ZEB1: variants seen among roughly 807,000 people sequenced by gnomAD.
ZEB1 encodes the protein zinc finger E-box binding homeobox 1.
Under a neutral mutation model 84.9 loss-of-function variants are expected in ZEB1, and 21 were observed. The ratio of observed to expected loss-of-function variants is 0.25; its 90% CI spans 0.18 to 0.36. The LOEUF is 0.36. Among genes scored for constraint, ZEB1 ranks in the 10% least tolerant of loss-of-function variants. The pLI is 1.00. For missense variants in ZEB1, 1,104 were observed against 1,330.2 expected (o/e 0.83, Z 2.65); for synonymous variants, 420 against 471.1 (o/e 0.89, Z 1.41).
intron 1 of ZEB1, among the ~76,000 whole-genome samples, chr10:31,432,714 A>G (rs1008841499): frequency 6.6e-6 from 1 of 152,168 alleles, no homozygotes; most frequent in African/African-American, 2.4e-5. Flanking sequence ...ACGGCCCCAG[A>G]GTGCTTTTGA....
intron 1 of ZEB1, among the ~76,000 whole-genome samples, chr10:31,409,727 A>G (rs935858173): frequency 3.3e-5 from 5 of 152,164 alleles, no homozygotes; most frequent in Non-Finnish European, 5.9e-5. Context: ...GGTCCTTCAC[A>G]TCCCTTGTAA....
intron 1 of ZEB1, among the ~76,000 whole-genome samples, chr10:31,384,304 A>G (rs904627179): frequency 1.3e-5 from 2 of 152,130 alleles, no homozygotes; most frequent in South Asian, 2.1e-4. Flanking sequence ...AGAATGGGCT[A>G]TGAACTGGTG....
intron 1 of ZEB1, among the ~76,000 whole-genome samples, chr10:31,385,787 A>C: frequency 6.6e-6 from 1 of 152,030 alleles, no homozygotes; most frequent in East Asian, 1.9e-4. Flanking sequence ...CAGCCTCTCA[A>C]AGTGCTGGAA....
At chr10:31,338,518 A>G (rs905625089) in intron 1 of ZEB1, among the ~76,000 whole-genome samples, 1 of 152,190 alleles carries the variant, frequency 6.6e-6, no homozygotes, top group African/African-American at 2.4e-5. Context: ...TAAGAGGAGT[A>G]TGTCATCTAT....
intron 3 of ZEB1, among the ~76,000 whole-genome samples, chr10:31,499,204 G>A (rs1176071803): frequency 6.6e-6 from 1 of 152,118 alleles, no homozygotes; most frequent in Admixed American, 6.5e-5. Context: ...ATACCAGAAA[G>A]ACTTTACCAA....
At chr10:31,460,889 T>A (rs2061730039) in intron 1 of ZEB1, 148 bp from the exon 2 acceptor site, 1 of 702,200 alleles carries the variant, frequency 1.4e-6, no homozygotes, top group Non-Finnish European at 2.5e-6. Flanking sequence ...TACATATGTG[T>A]GTTGTCAAAT....
intron 1 of ZEB1, among the ~76,000 whole-genome samples, chr10:31,407,013 G>C (rs1311217873): frequency 1.3e-5 from 2 of 151,944 alleles, no homozygotes; most frequent in African/African-American, 2.4e-5. Context: ...TAGATGTGTG[G>C]TGTTATTTCT....
intron 1 of ZEB1, among the ~76,000 whole-genome samples, chr10:31,429,768 A>C (rs2057473681): frequency 8.0e-6 from 1 of 124,578 alleles, no homozygotes; most frequent in South Asian, 2.6e-4. Flanking sequence ...TTTGAGACGA[A>C]GTCTCACTCT....
At chr10:31,431,115 A>G (rs936255119) in intron 1 of ZEB1, among the ~76,000 whole-genome samples, 14 of 152,190 alleles carry the variant, frequency 9.2e-5, no homozygotes, top group African/African-American at 2.7e-4. Context: ...CTATTGGGGT[A>G]TGTGGAGGGG....
At chr10:31,339,726 C>T (rs2133535385) in intron 1 of ZEB1, among the ~76,000 whole-genome samples, 1 of 150,832 alleles carries the variant, frequency 6.6e-6, no homozygotes, top group South Asian at 2.1e-4. Flanking sequence ...ACTGAGATTG[C>T]ACCACTCACT....
chr10:31,447,489 C>G (rs1311793539), intron 1 of ZEB1, among the ~76,000 whole-genome samples: 9 of 129,378 alleles, frequency 7.0e-5, no homozygotes, highest in African/African-American at 2.7e-4. Flanking sequence ...CTCGTTAGTT[C>G]ATGCAGTTTC....
At chr10:31,345,372 T>C (rs915951079) in intron 1 of ZEB1, among the ~76,000 whole-genome samples, 25 of 152,188 alleles carry the variant, frequency 1.6e-4, no homozygotes, top group Admixed American at 9.2e-4. Context: ...ATTTTACGTT[T>C]TAGAATTTTC....
intron 1 of ZEB1, among the ~76,000 whole-genome samples, chr10:31,352,783 A>G (rs994810603): frequency 6.6e-6 from 1 of 152,204 alleles, no homozygotes; most frequent in African/African-American, 2.4e-5. Flanking sequence ...TTAAAGGGCC[A>G]TATTTAGAAG....
chr10:31,386,506 T>C (rs760963760), intron 1 of ZEB1, among the ~76,000 whole-genome samples: 1 of 152,124 alleles, frequency 6.6e-6, no homozygotes, highest in Non-Finnish European at 1.5e-5. Context: ...CGCAATTTTT[T>C]AAAATGCTTT....
intron 3 of ZEB1, among the ~76,000 whole-genome samples, chr10:31,497,528 T>A (rs1270927736): frequency 6.6e-6 from 1 of 152,170 alleles, no homozygotes; most frequent in Non-Finnish European, 1.5e-5. Context: ...CAAACTTCCA[T>A]TAAAGCTCCA....
intron 2 of ZEB1, among the ~76,000 whole-genome samples, chr10:31,468,157 CAG>C (rs780052607): frequency 4.6e-5 from 7 of 152,176 alleles, no homozygotes; most frequent in Non-Finnish European, 7.4e-5. Flanking sequence ...ACGTCTGCCT[CAG>C]AGAGCCTGAT....
intron 3 of ZEB1, among the ~76,000 whole-genome samples, chr10:31,499,000 T>C (rs2067705120): frequency 6.6e-6 from 1 of 152,160 alleles, no homozygotes; most frequent in Non-Finnish European, 1.5e-5. Context: ...TAAAATTTTA[T>C]GTTATAACTG....
rs533908442 is a variant in ZEB1, at chr10:31,406,092, T to C, written c.59-54945T>C. Among the ~76,000 whole-genome samples, 6 of 152,298 alleles carry C rather than the reference T, an allele frequency of 3.9e-5. 1 individual carries two copies. Among genetic ancestry groups the C allele is most frequent in the South Asian group, 2.1e-4 (1 of 4,828 alleles). On this transcript the variant is annotated intron_variant, in intron 1 of 8. Coordinates refer to ENST00000424869, the MANE Select transcript of ZEB1 (RefSeq NM_001174096.2). The stretch of plus-strand genomic sequence containing the variant: ...CACATTTTCTTTATCCAGTCTATCA[T>C]TGATGGACATTTGAATTGGTTCCAA...
chr10:31,386,845 G>T (rs1367155823), intron 1 of ZEB1, among the ~76,000 whole-genome samples: 2 of 152,082 alleles, frequency 1.3e-5, no homozygotes, highest in African/African-American at 4.8e-5. Flanking sequence ...TGATCATTTG[G>T]CAACCTACAG....
Sources: gnomAD v4.1 joint callset for allele counts (sites outside exome capture counted in the v4.1 genomes callset) on GRCh38, gnomAD v4.1.1 for gene constraint, MANE v1.5 for transcripts, NCBI Gene and HGNC (gene_info 2026-07-23, HGNC 2026-07-21) for gene names.